Variants in NTRK1 observed in about 807,000 individuals in gnomAD.
NTRK1 encodes high affinity nerve growth factor receptor.
NTRK1 carries 62 observed loss-of-function variants against 86.8 expected under a neutral mutation model. The ratio of observed to expected loss-of-function variants is 0.71; its 90% CI spans 0.58 to 0.88. The LOEUF is 0.88. NTRK1 is among the 40% of genes least tolerant of loss of function. The pLI, the probability that NTRK1 is intolerant of heterozygous loss-of-function variation, is 0.00. For synonymous variants in NTRK1, 469 were observed against 456.6 expected, an observed-to-expected ratio of 1.03 and a Z score of -0.35; for missense variants, 967 against 1,078.4, an observed-to-expected ratio of 0.90 and a Z score of 1.45.
At chr1:156,871,548 C>A in intron 6 of NTRK1, 75 bp from the exon 7 acceptor site, 1 of 1,550,394 alleles carries the variant, frequency 6.4e-7, no homozygotes, top group Non-Finnish European at 8.9e-7. Flanking sequence ...GCCAGAGGGG[C>A]TCTCCAAAGA....
chr1:156,833,281 G>A (rs1387272899), intron 1 of NTRK1, among the ~76,000 whole-genome samples: 1 of 152,250 alleles, frequency 6.6e-6, no homozygotes, highest in Non-Finnish European at 1.5e-5. Flanking sequence ...TCAAGGCTGG[G>A]CGTGGTGGCT....
chr1:156,819,015 G>A (rs1368302677), intron 1 of NTRK1, among the ~76,000 whole-genome samples: 10 of 151,704 alleles, frequency 6.6e-5, no homozygotes, highest in African/African-American at 1.9e-4. Flanking sequence ...GTGTGTGTCC[G>A]TGTTTGAGAT....
intron 2 of NTRK1, chr1:156,846,774 A>AGAGCT (rs750996275): frequency 6.3e-7 from 1 of 1,595,124 alleles, no homozygotes; most frequent in Admixed American, 1.7e-5. Flanking sequence ...ACCCATCCCC[A>AGAGCT]GAGCTGAGGG....
chr1:156,847,002 T>C (rs367755927), intron 2 of NTRK1, among the ~76,000 whole-genome samples: 35 of 152,312 alleles, frequency 2.3e-4, no homozygotes, highest in African/African-American at 7.7e-4. Context: ...CAAGTTCTAG[T>C]TTCAATGAAT....
In NTRK1 at chr1:156,864,361, G is replaced by C. The variant is rs754562899; in HGVS notation, c.220G>C (p.Glu74Gln). 6.2e-7 allele frequency: 1 copy of C among 1,614,046 alleles called. No homozygotes were observed. Among genetic ancestry groups the C allele is most frequent in the Admixed American group, 1.7e-5 (1 of 60,006 alleles). ...GAENLTELYIENQQHLQHLEL... is the reference protein window; with the variant it reads ...GAENLTELYIQNQQHLQHLEL... Reference sequence around the variant, plus strand: ...CATCCGCTCTCCCCACAGCTACATCGAGAACCAGCAGCATCTGCAGCATCT... The same window carrying C: ...CATCCGCTCTCCCCACAGCTACATCCAGAACCAGCAGCATCTGCAGCATCT... The change falls in exon 2 of 17, where the codon GAG (glutamate) becomes CAG (glutamine). Residue 74 changes from glutamate (E) to glutamine (Q), a missense_variant. Physicochemically the swap from Glu to Gln is conservative, Grantham distance 29. Around this residue, in one of 2 missense-constraint regions of NTRK1, gnomAD observed 330 missense variants for 302.0 expected, o/e 1.09. Coordinates refer to ENST00000524377, the MANE Select transcript of NTRK1 (RefSeq NM_002529.4).
At chr1:156,828,650 C>G (rs533445307) in intron 1 of NTRK1, among the ~76,000 whole-genome samples, 1 of 152,230 alleles carries the variant, frequency 6.6e-6, no homozygotes, top group Non-Finnish European at 1.5e-5. Flanking sequence ...GAAGAAGGAG[C>G]TGTGGTTTAC....
At chr1:156,847,132 G>C (rs570933478) in intron 2 of NTRK1, among the ~76,000 whole-genome samples, 1 of 152,206 alleles carries the variant, frequency 6.6e-6, no homozygotes, top group Non-Finnish European at 1.5e-5. Context: ...TGCCTGGAAC[G>C]AGGAACAGGA....
intron 1 of NTRK1, among the ~76,000 whole-genome samples, chr1:156,833,336 C>T (rs1654513932): frequency 6.6e-6 from 1 of 152,146 alleles, no homozygotes; most frequent in Non-Finnish European, 1.5e-5. Context: ...GCGGGCAGAT[C>T]ACCTGAGGTC....
At chr1:156,827,193 C>T (rs1190477035) in intron 1 of NTRK1, among the ~76,000 whole-genome samples, 2 of 152,068 alleles carry the variant, frequency 1.3e-5, no homozygotes, top group Admixed American at 6.6e-5. Context: ...AGCAATCCTC[C>T]ACTTCAGCTT....
In NTRK1 at chr1:156,854,352, C is replaced by T. The variant is rs1296172715; in HGVS notation, c.51-10002C>T. 2.0e-6 allele frequency: 3 copies of T among 1,517,154 alleles called. No homozygotes were observed. Among genetic ancestry groups the T allele is most frequent in the Middle Eastern group, 1.9e-4 (1 of 5,160 alleles). The allele number at this position is 1,517,154 out of a possible 1,614,324, so 94.0% of individuals were successfully genotyped here. ...CATTGAGTACAGCCCAGGCCAAATT[C>T]CCCATCCAGCCCTGGCAGCTTTGGA... On this transcript the variant is annotated intron_variant, in intron 2 of 16. Coordinates refer to the NTRK1 transcript ENST00000392302. The surrounding 1 kb of genome is among the most constrained non-coding windows in gnomAD (Gnocchi z 4.2).
intron 2 of NTRK1, chr1:156,851,238 T>A: frequency 6.2e-7 from 1 of 1,604,824 alleles, no homozygotes; most frequent in Non-Finnish European, 8.5e-7. Flanking sequence ...GTTCTGGGAG[T>A]GTTGGAGGAA....
rs754225918 is a variant in NTRK1 at position 156,854,105 on chromosome 1, C to T, written c.51-10249C>T. The T allele has an allele frequency of 3.2e-5, 51 of 1,613,980 alleles. No individual in the cohort carries two copies. The highest frequency in any genetic ancestry group is 1.6e-4 in the Middle Eastern group (1 of 6,084). On this transcript the variant is annotated intron_variant, in intron 2 of 16. Coordinates refer to the NTRK1 transcript ENST00000392302. This position sits in a 1 kb window ranked among gnomAD's most constrained non-coding sequence, Gnocchi z 4.2. ...GACTGCTAGGTTGGGGAAGAGGTCG[C>T]GCAGGCTCTCCAGTCCGTAGACACG...
chr1:156,861,801 C>T (rs940811345), intron 1 of NTRK1, among the ~76,000 whole-genome samples: 7 of 152,244 alleles, frequency 4.6e-5, no homozygotes, highest in African/African-American at 1.4e-4. Flanking sequence ...CTACCTGGGG[C>T]GGGGAGTCAG....
chr1:156,860,747 G>A (rs566321571), upstream of NTRK1: 32 of 1,123,952 alleles, frequency 2.8e-5, no homozygotes, highest in East Asian at 1.3e-4. Flanking sequence ...CAGAGGGGGG[G>A]GCGTCAGAGA....
intron 1 of NTRK1, among the ~76,000 whole-genome samples, chr1:156,823,385 C>A (rs2102835108): frequency 6.6e-6 from 1 of 152,340 alleles, no homozygotes; most frequent in Non-Finnish European, 1.5e-5. Flanking sequence ...ATCATTCCAC[C>A]AAGATGACTA....
chr1:156,859,416 G>T (rs1407475599), upstream of NTRK1, among the ~76,000 whole-genome samples: 2 of 152,132 alleles, frequency 1.3e-5, no homozygotes, highest in African/African-American at 2.4e-5. The surrounding 1 kb of genome is among the most constrained non-coding windows in gnomAD (Gnocchi z 6.2). Flanking sequence ...CAGCCAGCGC[G>T]CCCGGGCTTC....
chr1:156,839,638 T>C (rs901177023), intron 1 of NTRK1, among the ~76,000 whole-genome samples: 6 of 152,162 alleles, frequency 3.9e-5, no homozygotes, highest in African/African-American at 1.4e-4. Flanking sequence ...TGGGGGCATC[T>C]GGCATGAACA....
At chr1:156,853,210 C>G (rs1655288209) in intron 2 of NTRK1, among the ~76,000 whole-genome samples, 1 of 152,170 alleles carries the variant, frequency 6.6e-6, no homozygotes, top group Non-Finnish European at 1.5e-5. Context: ...CCTCCCATTA[C>G]AGTATTGCCA....
At chr1:156,874,508 G>C (rs1571697021) in intron 9 of NTRK1, 63 bp from the exon 10 acceptor site, 1 of 1,611,300 alleles carries the variant, frequency 6.2e-7, no homozygotes, top group East Asian at 2.2e-5. Context: ...GGCCAGGGTT[G>C]GGGGGTTACT....
Sources: allele counts gnomAD v4.1 joint callset (sites outside exome capture counted in the v4.1 genomes callset), GRCh38; gene constraint gnomAD v4.1.1; regional missense constraint gnomAD v4.1.1; non-coding constraint Gnocchi (gnomAD v3.1); transcripts MANE v1.5; gene names NCBI Gene and HGNC (gene_info 2026-07-23, HGNC 2026-07-21).